Variants in ZNF100 observed in about 807,000 individuals in gnomAD.
ZNF100 encodes the protein zinc finger protein 100 (Y1).
A neutral mutation model predicts 15.8 loss-of-function variants in ZNF100; 12 were observed. The observed-to-expected ratio is 0.76, with a 90% CI of 0.49 to 1.23. The LOEUF is 1.23. Ranked by LOEUF, ZNF100 falls within the 50% of genes most tolerant of loss-of-function variation. ZNF100 has a pLI of 0.00. For synonymous variants in ZNF100, 226 were observed against 214.8 expected (o/e 1.05, Z -0.45); for missense variants, 670 against 635.6 (o/e 1.05, Z -0.58).
chr19:21,743,528 T>A (rs1361762956), intron 4 of ZNF100, among the ~76,000 whole-genome samples: 4 of 152,046 alleles, frequency 2.6e-5, no homozygotes, highest in African/African-American at 9.7e-5. Context: ...CTAACTATAT[T>A]TCAAGAATAT....
chr19:21,732,960 C>T (rs1286020931), intron 4 of ZNF100, among the ~76,000 whole-genome samples: 2 of 152,158 alleles, frequency 1.3e-5, no homozygotes, highest in Non-Finnish European at 2.9e-5. Context: ...GGCACAGTGG[C>T]TCAGGCCTGT....
chr19:21,736,362 G>A (rs1013401713), intron 4 of ZNF100, among the ~76,000 whole-genome samples: 6 of 152,264 alleles, frequency 3.9e-5, no homozygotes, highest in African/African-American at 1.4e-4. Flanking sequence ...TGGCATTACA[G>A]GCATGAGCCA....
At chr19:21,745,706 T>C (rs962048366) in intron 2 of ZNF100, among the ~76,000 whole-genome samples, 9 of 151,964 alleles carry the variant, frequency 5.9e-5, no homozygotes, top group Admixed American at 2.6e-4. Context: ...GTATTTTTAG[T>C]AGAGACGGGG....
chr19:21,762,377 T>G (rs2036495930), intron 2 of ZNF100, among the ~76,000 whole-genome samples: 1 of 152,212 alleles, frequency 6.6e-6, no homozygotes, highest in Admixed American at 6.5e-5. Context: ...TTTCTTAAGT[T>G]TCCTTGGAAG....
chr19:21,731,330 A>G (rs1346979328), intron 4 of ZNF100, among the ~76,000 whole-genome samples: 1 of 137,818 alleles, frequency 7.3e-6, no homozygotes, highest in African/African-American at 3.0e-5. Context: ...ATTTTTTGAG[A>G]TGGAGTCTTG....
intron 1 of ZNF100, among the ~76,000 whole-genome samples, chr19:21,766,286 G>C (rs183471499): frequency 4.0e-4 from 61 of 152,096 alleles, no homozygotes; most frequent in Non-Finnish European, 1.0e-4. Context: ...TGGGGGACGG[G>C]GGTTAGACTT....
chr19:21,743,749 G>C (rs1326746402), intron 4 of ZNF100, among the ~76,000 whole-genome samples: 2 of 149,660 alleles, frequency 1.3e-5, no homozygotes, highest in African/African-American at 2.5e-5. Context: ...GCCTTGAAAA[G>C]GACTCTGGCT....
intron 2 of ZNF100, among the ~76,000 whole-genome samples, chr19:21,755,236 G>T (rs192697388): frequency 1.6e-4 from 25 of 152,094 alleles, no homozygotes; most frequent in African/African-American, 5.8e-4. Flanking sequence ...GAACCCAGGA[G>T]GCAGAGGTTG....
intron 4 of ZNF100, among the ~76,000 whole-genome samples, chr19:21,735,938 G>A (rs1350848472): frequency 6.6e-6 from 1 of 151,506 alleles, no homozygotes; most frequent in South Asian, 2.1e-4. Flanking sequence ...ACAGGTGCCC[G>A]CCACCACATT....
At chr19:21,767,347 G>C in intron 1 of ZNF100, 80 bp downstream of exon 1, 1 of 1,610,320 alleles carries the variant, frequency 6.2e-7, no homozygotes, top group African/African-American at 1.3e-5. Context: ...GGAGAGGCCT[G>C]AGTCCCGCCA....
chr19:21,739,450 G>A (rs553192352), intron 4 of ZNF100, among the ~76,000 whole-genome samples: 1 of 147,096 alleles, frequency 6.8e-6, no homozygotes, highest in African/African-American at 2.5e-5. Flanking sequence ...CAGCTACTCA[G>A]GAGGCTGAGG....
In ZNF100 at chr19:21,767,445, G is replaced by T; in HGVS notation, c.-16C>A. ...CTCTCACCATTTCTAGGCTTCTAGGGGGTCCTGGCGTCTTAGCTGTGGATC... is the reference window on the plus strand; with the variant it reads ...CTCTCACCATTTCTAGGCTTCTAGGTGGTCCTGGCGTCTTAGCTGTGGATC... On this transcript the variant is annotated 5_prime_UTR_variant, in exon 1 of 5. Coordinates refer to ENST00000358296, the MANE Select transcript of ZNF100 (RefSeq NM_173531.4). 1 of 1,614,136 alleles carries T rather than the reference G, an allele frequency of 6.2e-7. No homozygotes were observed. The highest frequency in any genetic ancestry group is 8.5e-7 in the Non-Finnish European group (1 of 1,180,014).
rs2036549073 is a variant in ZNF100, at chr19:21,765,780, G to A, written c.10C>T (p.Pro4Ser). The A allele has an allele frequency of 1.2e-6, 2 of 1,614,008 alleles. No individual in the cohort carries two copies. The highest frequency in any genetic ancestry group is 2.2e-5 in the South Asian group (2 of 91,062). MDD[P>S]RYGMCPLKGA... The stretch of plus-strand genomic sequence containing the variant: ...TTGAGAGGACACATTCCATACCTCG[G>A]GTCATCCTACGGGAGAAAATAAACC... The change falls in exon 2 of 5, where the codon CCG (proline) becomes TCG (serine). Residue 4 changes from proline (P) to serine (S), a missense_variant. By Grantham distance (74) the Pro-to-Ser change is moderately conservative. Coordinates refer to ENST00000358296, the MANE Select transcript of ZNF100 (RefSeq NM_173531.4).
Position 21,727,103 on chromosome 19 carries a change from A to C in ZNF100, c.1209T>G (p.Cys403Trp). 1 of 1,613,478 alleles carries C rather than the reference A, an allele frequency of 6.2e-7. No individual in the cohort carries two copies. The highest frequency in any genetic ancestry group is 1.1e-5 in the South Asian group (1 of 91,044). ...TSHTGEKFYK[C>W]EECGKGFNWS... Reference sequence around the variant, plus strand: ...AGTTAAAGCCTTTGCCGCATTCTTCACATTTGTAGAATTTCTCTCCAGTAT... The same window carrying C: ...AGTTAAAGCCTTTGCCGCATTCTTCCCATTTGTAGAATTTCTCTCCAGTAT... The change falls in exon 5 of 5, where the codon TGT (cysteine) becomes TGG (tryptophan). Residue 403 changes from cysteine to tryptophan, a missense_variant. Cys to Trp is a radical substitution (Grantham distance 215, BLOSUM62 -2). Coordinates refer to ENST00000358296, the MANE Select transcript of ZNF100 (RefSeq NM_173531.4).
intron 2 of ZNF100, chr19:21,752,028 A>G (rs2036315625): frequency 3.4e-6 from 1 of 297,176 alleles, no homozygotes; most frequent in Non-Finnish European, 6.2e-6. Context: ...CATCAAAAGG[A>G]AAGATCTCAA....
chr19:21,765,557 C>T (rs1568315350), intron 2 of ZNF100, 137 bp downstream of exon 2: 1 of 729,560 alleles, frequency 1.4e-6, no homozygotes, highest in Non-Finnish European at 2.3e-6. Flanking sequence ...TTTCTGCCCC[C>T]CTTAGATGAT....
intron 2 of ZNF100, among the ~76,000 whole-genome samples, chr19:21,761,684 T>G (rs981727888): frequency 6.6e-6 from 1 of 152,218 alleles, no homozygotes; most frequent in Non-Finnish European, 1.5e-5. Flanking sequence ...TTTTTTTATG[T>G]TCACACTTCA....
In ZNF100 at chr19:21,724,548, A is replaced by G. The variant is rs1360248671; in HGVS notation, c.*2135T>C. 1 of 152,162 alleles carries G rather than the reference A, an allele frequency of 6.6e-6. No homozygotes were observed. Among genetic ancestry groups the G allele is most frequent in the African/African-American group, 2.4e-5 (1 of 41,454 alleles). The allele number at this position is 152,162 out of a possible 1,614,324, so 9.4% of individuals were successfully genotyped here. On this transcript the variant is annotated 3_prime_UTR_variant, in exon 5 of 5. Transcript: ENST00000358296. ...GACCATAAAAATAACACTGTAATCAATAACAATTTAATTTTACATTTTAAA... is the reference window on the plus strand; with the variant it reads ...GACCATAAAAATAACACTGTAATCAGTAACAATTTAATTTTACATTTTAAA...
chr19:21,745,204 T>A, intron 2 of ZNF100, 137 bp from the exon 3 acceptor site: 1 of 1,349,102 alleles, frequency 7.4e-7, no homozygotes, highest in Non-Finnish European at 9.9e-7. Context: ...TTCCAATAAT[T>A]TTTAACACAG....
Sources: allele counts gnomAD v4.1 joint callset (sites outside exome capture counted in the v4.1 genomes callset), GRCh38; gene constraint gnomAD v4.1.1; transcripts MANE v1.5; gene names NCBI Gene and HGNC (gene_info 2026-07-23, HGNC 2026-07-21).